ARHGEF9: variants seen among roughly 807,000 people sequenced by gnomAD.
ARHGEF9 encodes Cdc42 guanine nucleotide exchange factor 9.
ARHGEF9 carries 2 observed loss-of-function variants against 41.3 expected under a neutral mutation model. The observed-to-expected ratio is 0.05, with a 90% CI of 0.02 to 0.15. The LOEUF (loss-of-function observed/expected upper bound fraction) is 0.15. Among genes scored for constraint, ARHGEF9 ranks in the 10% least tolerant of loss-of-function variants. The probability of loss-of-function intolerance (pLI) is 1.00; values close to 1 mark genes in which losing one functional copy is unlikely to be tolerated. For synonymous variants in ARHGEF9, 160 were observed against 154.4 expected, an observed-to-expected ratio of 1.04 and a Z score of -0.27; for missense variants, 225 against 424.7, an observed-to-expected ratio of 0.53 and a Z score of 4.13.
At chrX:63,701,700 C>T (rs1347250089) in intron 3 of ARHGEF9, 1 of 111,635 alleles carries the variant, frequency 9.0e-6, no homozygotes, top group Non-Finnish European at 1.9e-5. Context: ...ATACCTGCAA[C>T]ATGGAAAGTT....
In ARHGEF9 at chrX:63,771,847, A is replaced by T. The variant is rs1485724345; in HGVS notation, c.30+13269T>A. 3.6e-5 allele frequency among the ~76,000 whole-genome samples: 4 copies of T among 111,527 alleles called. No individual in the cohort carries two copies. In the Admixed American group the frequency reaches 3.8e-4, roughly 11 times the overall value. ...CTCCCCGACTGCTGGGATTACAGTC[A>T]TGAGTCACGATGCCCGACTTGAAGA... On this transcript the variant is annotated intron_variant, in intron 1 of 9. Coordinates refer to ENST00000671741, the MANE Select transcript of ARHGEF9 (RefSeq NM_001353921.2).
At chrX:63,672,937 T>C (rs1234518453) in intron 6 of ARHGEF9, among the ~76,000 whole-genome samples, 1 of 111,980 alleles carries the variant, frequency 8.9e-6, no homozygotes, top group Non-Finnish European at 1.9e-5. Context: ...CTTAAGAGAA[T>C]GAGGGTCTCT....
chrX:63,777,011 C>T (rs782812420), intron 1 of ARHGEF9, among the ~76,000 whole-genome samples: 4 of 111,800 alleles, frequency 3.6e-5, no homozygotes, highest in Non-Finnish European at 7.5e-5. Flanking sequence ...CTAAATCCTC[C>T]AGAAACACTG....
At chrX:63,646,317 C>T (rs1350745399) in intron 8 of ARHGEF9, among the ~76,000 whole-genome samples, 4 of 111,724 alleles carry the variant, frequency 3.6e-5, no homozygotes, top group Admixed American at 9.5e-5. Flanking sequence ...GCGTATGTCC[C>T]GAATGATACT....
chrX:63,755,900 C>T (rs2055914427), intron 1 of ARHGEF9: 1 of 741,703 alleles, frequency 1.3e-6, no homozygotes, highest in Non-Finnish European at 1.6e-6. Flanking sequence ...AATTTTCCAG[C>T]ATTCTGGGTA....
At chrX:63,714,831 C>T (rs1168097318) in intron 2 of ARHGEF9, among the ~76,000 whole-genome samples, 2 of 112,017 alleles carry the variant, frequency 1.8e-5, no homozygotes, top group Non-Finnish European at 3.8e-5. Flanking sequence ...ATTGTCCTCT[C>T]TAGTCAGGGA....
At chrX:63,688,256 C>A (rs1270923316) in intron 4 of ARHGEF9, among the ~76,000 whole-genome samples, 1 of 110,850 alleles carries the variant, frequency 9.0e-6, no homozygotes, top group Non-Finnish European at 1.9e-5. Flanking sequence ...AACAAAAAAA[C>A]CTCCCATACT....
intron 8 of ARHGEF9, 21 bp from the exon 9 acceptor site, chrX:63,644,069 A>AT (rs782567532): frequency 8.6e-6 from 10 of 1,161,210 alleles, no homozygotes; most frequent in Admixed American, 6.6e-5. Flanking sequence ...AAAATATATG[A>AT]TTTTTTAAAT....
intron 2 of ARHGEF9, among the ~76,000 whole-genome samples, chrX:63,709,825 T>C (rs1391121577): frequency 1.8e-5 from 2 of 111,820 alleles, no homozygotes; most frequent in Non-Finnish European, 3.8e-5. Context: ...ATAGAAATAC[T>C]ATAGTCCAAA....
intron 7 of ARHGEF9, among the ~76,000 whole-genome samples, chrX:63,659,166 G>A (rs782016217): frequency 8.9e-6 from 1 of 111,829 alleles, no homozygotes; most frequent in Non-Finnish European, 1.9e-5. Flanking sequence ...CTTCACTTAG[G>A]GATTGTCCAG....
intron 1 of ARHGEF9, among the ~76,000 whole-genome samples, chrX:63,742,553 G>T (rs1187836013): frequency 1.8e-5 from 2 of 111,632 alleles, no homozygotes; most frequent in East Asian, 5.6e-4. Context: ...GGAGTAAAAG[G>T]AATGGCATAC....
chrX:63,635,147 T>C lies in ARHGEF9; in HGVS notation c.*2881A>G, dbSNP rs1264642089. The C allele has an allele frequency of 2.6e-6, 1 of 391,853 alleles. No homozygotes were observed. Among genetic ancestry groups the C allele is most frequent in the Non-Finnish European group, 4.4e-6 (1 of 225,212 alleles). The allele number at this position is 391,853 out of a possible 1,213,427, so 32.3% of individuals were successfully genotyped here. A position where few individuals can be genotyped will look rare whatever the true frequency, so the allele number is the denominator to read the frequency against. On this transcript the variant is annotated 3_prime_UTR_variant, in exon 10 of 10. Coordinates refer to ENST00000671741, the MANE Select transcript of ARHGEF9 (RefSeq NM_001353921.2). Reference sequence around the variant, plus strand: ...TGCAGAGCAGCAAGGGTAATCAAAGTCACTGTTGCCCATCCATCCACCCCA... The same window carrying C: ...TGCAGAGCAGCAAGGGTAATCAAAGCCACTGTTGCCCATCCATCCACCCCA...
chrX:63,768,576 G>A (rs782251601), intron 1 of ARHGEF9, among the ~76,000 whole-genome samples: 1 of 112,108 alleles, frequency 8.9e-6, no homozygotes, highest in African/African-American at 3.2e-5. Flanking sequence ...CATAGAGGTT[G>A]TACTAATGTA....
rs782417263 is a variant in ARHGEF9, at chrX:63,644,065, T to A, written c.1322-17A>T. The A allele has an allele frequency of 2.6e-6, 3 of 1,176,047 alleles. No homozygotes were observed. The Admixed American group carries it at 6.6e-5, about 26-fold the overall frequency. ...TTTCAAAGCCTAAAAAAGAAAAATA[T>A]ATGATTTTTTAAATGAGAAACACAC... is the stretch of plus-strand genomic sequence containing the variant. On this transcript the variant is annotated splice_polypyrimidine_tract_variant and intron_variant, in intron 8 of 9. Transcript: ENST00000671741.
chrX:63,725,234 G>A (rs781916127), intron 1 of ARHGEF9, among the ~76,000 whole-genome samples: 1 of 110,571 alleles, frequency 9.0e-6, no homozygotes, highest in South Asian at 4.1e-4. Flanking sequence ...CACGCATAAT[G>A]GACCCCAGTC....
chrX:63,739,343 G>A (rs1424220398), intron 1 of ARHGEF9, among the ~76,000 whole-genome samples: 2 of 111,735 alleles, frequency 1.8e-5, no homozygotes, highest in Non-Finnish European at 3.8e-5. Flanking sequence ...AGCAGGACAT[G>A]AGCTGCTGTA....
chrX:63,642,368 A>C (rs2047691809), intron 9 of ARHGEF9: 1 of 112,065 alleles, frequency 8.9e-6, no homozygotes, highest in Non-Finnish European at 1.9e-5. Flanking sequence ...ATTGCTTTCT[A>C]ACACCATCTC....
chrX:63,749,660 G>A (rs2055493228), intron 1 of ARHGEF9, among the ~76,000 whole-genome samples: 2 of 112,109 alleles, frequency 1.8e-5, no homozygotes, highest in South Asian at 7.4e-4. Flanking sequence ...TGTAACACTG[G>A]GAATTACAAT....
intron 2 of ARHGEF9, among the ~76,000 whole-genome samples, chrX:63,712,366 A>C (rs2052995179): frequency 8.9e-6 from 1 of 112,154 alleles, no homozygotes; most frequent in Non-Finnish European, 1.9e-5. Flanking sequence ...AAGTAGAAAC[A>C]ACCCAAATGT....
Sources: gnomAD v4.1 joint callset for allele counts (sites outside exome capture counted in the v4.1 genomes callset) on GRCh38, gnomAD v4.1.1 for gene constraint, MANE v1.5 for transcripts, NCBI Gene and HGNC (gene_info 2026-07-23, HGNC 2026-07-21) for gene names.